MYCBP2: variants seen among roughly 807,000 people sequenced by gnomAD.
MYCBP2 encodes E3 ubiquitin-protein ligase MYCBP2.
In MYCBP2, 120 loss-of-function variants were observed where a neutral mutation model predicts 525.3. That is an observed-to-expected ratio of 0.23 (90% CI 0.20 to 0.27). MYCBP2 has a LOEUF of 0.27. MYCBP2 is among the 10% of genes least tolerant of loss of function. The pLI is 1.00. For synonymous variants in MYCBP2, 1,894 were observed against 1,955.8 expected (o/e 0.97, Z 0.83); for missense variants, 4,149 against 5,657.1 (o/e 0.73, Z 8.55).
intron 54 of MYCBP2, among the ~76,000 whole-genome samples, chr13:77,124,804 G>A (rs1485357097): frequency 6.6e-6 from 1 of 152,124 alleles, no homozygotes; most frequent in Admixed American, 6.6e-5. Flanking sequence ...ATATCAAAGA[G>A]AGGGGGACAA....
intron 55 of MYCBP2, among the ~76,000 whole-genome samples, chr13:77,101,337 C>G (rs1331793962): frequency 6.6e-6 from 1 of 152,064 alleles, no homozygotes; most frequent in African/African-American, 2.4e-5. Flanking sequence ...CTCCCTGTGT[C>G]AGATGTGTCT....
rs113704459 is a variant in MYCBP2 at position 77,055,521 on chromosome 13, T to C, written c.13647+37A>G. 653 of 1,543,880 alleles carry C rather than the reference T, an allele frequency of 4.2e-4. 4 individuals are homozygous for C. Among genetic ancestry groups the C allele is most frequent in the African/African-American group, 4.9e-4 (36 of 73,290 alleles). On this transcript the variant is annotated intron_variant, in intron 80 of 82. Transcript: ENST00000544440. ...AATTCTTAATCATATAGGTAAGCTC[T>C]AGTTTTTAAAACTTCTCAGTATAAT...
At chr13:77,160,477 A>C (rs1309232767) in intron 44 of MYCBP2, among the ~76,000 whole-genome samples, 4 of 152,234 alleles carry the variant, frequency 2.6e-5, no homozygotes, top group Non-Finnish European at 5.9e-5. Context: ...TCACCTCAGG[A>C]AATAAGTAAA....
intron 56 of MYCBP2, among the ~76,000 whole-genome samples, chr13:77,096,729 G>T (rs1594497499): frequency 1.3e-5 from 2 of 152,138 alleles, no homozygotes; most frequent in South Asian, 4.1e-4. Context: ...AAGAGAGATA[G>T]AATATAGGTA....
chr13:77,069,300 T>G (rs1036405641), intron 69 of MYCBP2, among the ~76,000 whole-genome samples: 30 of 152,220 alleles, frequency 2.0e-4, no homozygotes, highest in African/African-American at 5.8e-4. Flanking sequence ...ATTCATGTTG[T>G]AGTTCATTGA....
intron 46 of MYCBP2, among the ~76,000 whole-genome samples, chr13:77,155,067 G>C (rs1479143064): frequency 6.6e-6 from 1 of 151,878 alleles, no homozygotes; most frequent in Admixed American, 6.6e-5. Flanking sequence ...TAAAAATTCT[G>C]ACTATGGATC....
At chr13:77,266,760 A>C (rs2074157689) in intron 8 of MYCBP2, among the ~76,000 whole-genome samples, 2 of 150,198 alleles carry the variant, frequency 1.3e-5, no homozygotes, top group South Asian at 4.2e-4. Flanking sequence ...AAAAAAAAAA[A>C]AAAAAAAACC....
intron 17 of MYCBP2, 27 bp downstream of exon 17, chr13:77,243,032 T>A (rs1473614872): frequency 6.3e-7 from 1 of 1,595,884 alleles, no homozygotes; most frequent in African/African-American, 1.3e-5. Context: ...GATTTTCATG[T>A]ACTTTTTCTC....
At position 77,296,557 on chromosome 13, in the gene MYCBP2, T is replaced by C. The variant is rs2078210384; in HGVS notation, c.378+42A>G. ...CTTGGCATTTTTATTCAAATCACCA[T>C]ATGAAAAAGTCCTATTCCTTATCAA... On this transcript the variant is annotated intron_variant, in intron 2 of 82. Coordinates refer to ENST00000544440, the MANE Select transcript of MYCBP2 (RefSeq NM_015057.5). 4.6e-6 allele frequency: 7 copies of C among 1,533,524 alleles called. No individual in the cohort carries two copies. The East Asian group carries it at 1.7e-4, about 37-fold the overall frequency. The allele number at this position is 1,533,524 out of a possible 1,614,324, so 95.0% of individuals were successfully genotyped here.
intron 81 of MYCBP2, 99 bp from the exon 82 acceptor site, chr13:77,051,261 T>C (rs1432976886): frequency 9.6e-7 from 1 of 1,046,240 alleles, no homozygotes; most frequent in Admixed American, 2.7e-5. Flanking sequence ...AATTCATATT[T>C]TGAGGGCCTA....
chr13:77,066,176 G>T, intron 71 of MYCBP2, 88 bp from the exon 72 acceptor site: 1 of 940,532 alleles, frequency 1.1e-6, no homozygotes, highest in Non-Finnish European at 1.6e-6. Flanking sequence ...TCAGAATGCA[G>T]CATTTTAGAT....
chr13:77,085,071 A>C (rs1221246313), intron 62 of MYCBP2, among the ~76,000 whole-genome samples: 1 of 152,030 alleles, frequency 6.6e-6, no homozygotes, highest in African/African-American at 2.4e-5. Context: ...GTTACTTACT[A>C]TAAGAACTAA....
Position 77,093,278 on chromosome 13 carries a change from T to C in MYCBP2, c.10254A>G (p.Glu3418=), listed in dbSNP as rs751684250. Residue 3418 remains glutamate, a synonymous_variant, in exon 59 of 83, where the codon GAA becomes GAG. Coordinates refer to ENST00000544440, the MANE Select transcript of MYCBP2 (RefSeq NM_015057.5). ...GYQDDNLFQD[E]MRYLRSTSVP... ...CAGATGTTGAACGTAGATATCTCAT[T>C]TCATCCTGGAATAGATTGTCATCTT... 6.2e-7 allele frequency: 1 copy of C among 1,613,454 alleles called. No individual in the cohort carries two copies. Among genetic ancestry groups the C allele is most frequent in the South Asian group, 1.1e-5 (1 of 91,048 alleles).
chr13:77,301,830 T>C (rs912244682), intron 1 of MYCBP2, among the ~76,000 whole-genome samples: 3 of 152,146 alleles, frequency 2.0e-5, no homozygotes, highest in South Asian at 2.1e-4. Flanking sequence ...AATAATGCAA[T>C]TGGCAATTTT....
chr13:77,150,883 G>A lies in MYCBP2; in HGVS notation c.6982C>T (p.Pro2328Ser). 6.2e-7 allele frequency: 1 copy of A among 1,614,018 alleles called. No homozygotes were observed. Among genetic ancestry groups the A allele is most frequent in the Non-Finnish European group, 8.5e-7 (1 of 1,179,992 alleles). ...GCAGGACTGCCAGGAATCCTTTGAG[G>A]TTTCTTTGCTTGATCTTGTTGTAAA... ...MSLQQDQAKK[P>S]QRIPGSPAVT... The change falls in exon 47 of 83, where the codon CCT (proline) becomes TCT (serine). Residue 2328 changes from proline (P) to serine (S), a missense_variant. Coordinates refer to ENST00000544440, the MANE Select transcript of MYCBP2 (RefSeq NM_015057.5).
At chr13:77,255,985 T>C (rs1210574655) in intron 14 of MYCBP2, among the ~76,000 whole-genome samples, 4 of 151,932 alleles carry the variant, frequency 2.6e-5, no homozygotes, top group Non-Finnish European at 4.4e-5. Flanking sequence ...GATATAAAAA[T>C]TGAGGGCAAG....
chr13:77,319,964 G>A (rs780886190), intron 1 of MYCBP2, among the ~76,000 whole-genome samples: 9 of 152,206 alleles, frequency 5.9e-5, no homozygotes, highest in South Asian at 4.1e-4. Context: ...AGTGCCCTCC[G>A]AACCAACAAC....
chr13:77,082,736 T>C (rs537637118), intron 63 of MYCBP2, among the ~76,000 whole-genome samples: 1 of 152,242 alleles, frequency 6.6e-6, no homozygotes, highest in African/African-American at 2.4e-5. Flanking sequence ...CCTCTCTCTT[T>C]TTGGGACATT....
At chr13:77,076,611 C>A in intron 68 of MYCBP2, 140 bp downstream of exon 68, 1 of 551,066 alleles carries the variant, frequency 1.8e-6, no homozygotes. Context: ...TAGATAGTTC[C>A]TTCATCTTTC....
Sources: gnomAD v4.1 joint callset for allele counts (sites outside exome capture counted in the v4.1 genomes callset) on GRCh38, gnomAD v4.1.1 for gene constraint, MANE v1.5 for transcripts, NCBI Gene and HGNC (gene_info 2026-07-23, HGNC 2026-07-21) for gene names.